HDHD5: variants seen among roughly 807,000 people sequenced by gnomAD.
The protein encoded by HDHD5 is haloacid dehalogenase like hydrolase domain containing 5, also known as haloacid dehalogenase-like hydrolase domain-containing 5.
A neutral mutation model predicts 35.5 loss-of-function variants in HDHD5; 34 were observed. The observed-to-expected ratio is 0.96, with a 90% CI of 0.73 to 1.28. HDHD5 has a LOEUF of 1.28. Ranked by LOEUF, HDHD5 falls within the 50% of genes most tolerant of loss-of-function variation. The pLI is 0.00. For missense variants in HDHD5, 589 were observed against 560.2 expected (o/e 1.05, Z -0.52); for synonymous variants, 248 against 240.6 (o/e 1.03, Z -0.29).
chr22:17,161,968 C>T (rs1186452622), upstream of HDHD5, among the ~76,000 whole-genome samples: 1 of 151,556 alleles, frequency 6.6e-6, no homozygotes, highest in Non-Finnish European at 1.5e-5. Flanking sequence ...TAATAAATAA[C>T]ATGGGACAGA....
chr22:17,156,952 C>T (rs1182982303), intron 1 of HDHD5, among the ~76,000 whole-genome samples: 1 of 151,866 alleles, frequency 6.6e-6, no homozygotes, highest in African/African-American at 2.4e-5. Context: ...GTGGCAGGCG[C>T]CTGTAATCCC....
rs752488647 is a variant in HDHD5 at position 17,138,164 on chromosome 22, C to G, written c.1129G>C (p.Val377Leu). The G allele has an allele frequency of 3.1e-6, 5 of 1,614,178 alleles. No homozygotes were observed. Among genetic ancestry groups the G allele is most frequent in the East Asian group, 2.2e-5 (1 of 44,878 alleles). ...AATGGAGGCTCCCCTCCTCCAAGGA[C>G]AGGCTCCGTGGACTGTGGGTTCCTG... ...NPRNPQSTEP[V>L]LGGGEPPFHG... The change falls in exon 8 of 8, where the codon GTC (valine) becomes CTC (leucine). Residue 377 changes from valine (V) to leucine (L), a missense_variant. Coordinates refer to ENST00000336737, the MANE Select transcript of HDHD5 (RefSeq NM_033070.3).
chr22:17,159,570 C>A (rs1440449895), upstream of HDHD5: 3 of 434,110 alleles, frequency 6.9e-6, no homozygotes, highest in Non-Finnish European at 1.4e-5. Flanking sequence ...GCGCGGCAGG[C>A]CCCAGGCCGG....
intron 3 of HDHD5, 21 bp downstream of exon 3, chr22:17,148,427 G>C (rs2061689163): frequency 1.3e-6 from 2 of 1,594,682 alleles, no homozygotes; most frequent in Non-Finnish European, 1.7e-6. Context: ...CCTTCAGCCA[G>C]AGTTAAGACC....
chr22:17,139,365 C>T (rs1158858832), intron 6 of HDHD5, among the ~76,000 whole-genome samples: 1 of 151,862 alleles, frequency 6.6e-6, no homozygotes, highest in Non-Finnish European at 1.5e-5. Context: ...CTGTCTCTAC[C>T]AAAAATGCAA....
At position 17,157,390 on chromosome 22, in the gene HDHD5, C is replaced by T. The variant is rs529811061; in HGVS notation, c.126+1736G>A. 3.7e-3 allele frequency among the ~76,000 whole-genome samples: 555 copies of T among 151,754 alleles called. 2 individuals are homozygous for T. Among genetic ancestry groups the T allele is most frequent in the Non-Finnish European group, 6.4e-3 (438 of 67,922 alleles). ...AAGGGCTTCTCCTGCCTCAGCCTCC[C>T]GAGTAGCTGGGATTACAAGTAATAG... On this transcript the variant is annotated intron_variant, in intron 1 of 7. Transcript: ENST00000336737.
chr22:17,146,371 C>T (rs1357037252), intron 3 of HDHD5, among the ~76,000 whole-genome samples: 3 of 150,994 alleles, frequency 2.0e-5, no homozygotes, highest in Non-Finnish European at 4.4e-5. Flanking sequence ...TGACGCCCTC[C>T]TGTGAGCTTA....
intron 1 of HDHD5, among the ~76,000 whole-genome samples, chr22:17,157,271 C>CTTTTTTTTTT (rs372356199): frequency 7.3e-6 from 1 of 136,696 alleles, no homozygotes; most frequent in African/African-American, 2.7e-5. Flanking sequence ...GGTTAATTTT[C>CTTTTTTTTTT]TTTTTTTTTT....
At chr22:17,151,512 T>C (rs2061724364) in intron 1 of HDHD5, among the ~76,000 whole-genome samples, 1 of 151,884 alleles carries the variant, frequency 6.6e-6, no homozygotes, top group African/African-American at 2.4e-5. Flanking sequence ...GGTGGATCAC[T>C]TGAGGTCAGG....
At position 17,138,300 on chromosome 22, in the gene HDHD5, C is replaced by A. The variant is rs770952350; in HGVS notation, c.993G>T (p.Lys331Asn). 5 of 1,614,170 alleles carry A rather than the reference C, an allele frequency of 3.1e-6. No individual in the cohort carries two copies. The highest frequency in any genetic ancestry group is 4.5e-5 in the East Asian group (2 of 44,882). ...GANLFHQYLQ[K>N]ATHDGAPELG... ...GTTCTGGCGCCCCATCATGCGTTGC[C>A]TTCTGCAGGTACTGGTGGAACAGGT... is the stretch of plus-strand genomic sequence containing the variant. Residue 331 changes from lysine to asparagine, a missense_variant, in exon 8 of 8, where the codon AAG becomes AAT. Physicochemically the swap from Lys to Asn is moderately conservative, Grantham distance 94 (BLOSUM62 0). Coordinates refer to ENST00000336737, the MANE Select transcript of HDHD5 (RefSeq NM_033070.3).
At chr22:17,154,408 G>A (rs2061761670) in intron 1 of HDHD5, among the ~76,000 whole-genome samples, 2 of 151,732 alleles carry the variant, frequency 1.3e-5, no homozygotes, top group South Asian at 4.2e-4. Context: ...GAACTCGGGA[G>A]ATGGTGTTTG....
chr22:17,139,515 A>C (rs35914026), intron 6 of HDHD5, among the ~76,000 whole-genome samples: 2 of 149,290 alleles, frequency 1.3e-5, no homozygotes, highest in Non-Finnish European at 3.0e-5. Flanking sequence ...GCAAAAGAGC[A>C]AGACTCCATC....
chr22:17,157,113 C>CACAA lies in HDHD5; in HGVS notation c.126+2012_126+2013insTTGT, dbSNP rs577153294. Among the ~76,000 whole-genome samples, 64 of 145,106 alleles carry CACAA rather than the reference C, an allele frequency of 4.4e-4. No individual in the cohort carries two copies. In the South Asian group the frequency reaches 8.1e-3, roughly 18 times the overall value. On this transcript the variant is annotated intron_variant, in intron 1 of 7. Coordinates refer to ENST00000336737, the MANE Select transcript of HDHD5 (RefSeq NM_033070.3). ...ACACACACACACACACACACACACA[C>CACAA]AAAAGAAAAAAGCTATGGAACAATG...
At chr22:17,159,440 T>A, upstream of HDHD5, 1 of 617,252 alleles carries the variant, frequency 1.6e-6, no homozygotes. Context: ...AAGGAAGAAG[T>A]GCGGGGTCCC....
rs540606030 is a variant in HDHD5 at position 17,139,535 on chromosome 22, A to C, written c.747-797T>G. Reference sequence around the variant, plus strand: ...AGAGCAAGACTCCATCTAAAAAAAAAAAACAAACAAACTGGGGACGGTATT... The same window carrying C: ...AGAGCAAGACTCCATCTAAAAAAAACAAACAAACAAACTGGGGACGGTATT... On this transcript the variant is annotated intron_variant, in intron 6 of 7. Transcript: ENST00000336737. Among the ~76,000 whole-genome samples the C allele has an allele frequency of 7.8e-4, 118 of 152,008 alleles. 1 individual carries two copies. Among genetic ancestry groups the C allele is most frequent in the East Asian group, 4.1e-3 (21 of 5,180 alleles).
chr22:17,151,003 T>C (rs5992630), intron 1 of HDHD5, among the ~76,000 whole-genome samples: 14,967 of 152,246 alleles, frequency 0.098, 1,187 homozygotes, highest in African/African-American at 0.22. Context: ...TTTTTTCCCA[T>C]ATTATGGGTA....
At chr22:17,144,311 G>A (rs1259755479) in intron 4 of HDHD5, among the ~76,000 whole-genome samples, 1 of 151,732 alleles carries the variant, frequency 6.6e-6, no homozygotes, top group African/African-American at 2.4e-5. Flanking sequence ...CTGGAGTGCA[G>A]TGATCACAGC....
In HDHD5 at chr22:17,159,196, C is replaced by A. The variant is rs2061839789; in HGVS notation, c.56G>T (p.Arg19Leu). 9 of 1,216,874 alleles carry A rather than the reference C, an allele frequency of 7.4e-6. No individual in the cohort carries two copies. Among genetic ancestry groups the A allele is most frequent in the Non-Finnish European group, 9.2e-6 (9 of 978,578 alleles). The allele number at this position is 1,216,874 out of a possible 1,614,324, so 75.4% of individuals were successfully genotyped here. ...GAGCCCCGCAGCCGCGCGCGCCGCC[C>A]GCCAGCAAAGCCCACGCGCCGCGCC... is the stretch of plus-strand genomic sequence containing the variant. ...ALGAARGLCWRAARAAAGLQG... is the reference protein window; with the variant it reads ...ALGAARGLCWLAARAAAGLQG... Residue 19 changes from arginine (R) to leucine (L), a missense_variant, in exon 1 of 8, where the codon CGG (arginine) becomes CTG (leucine). Transcript: ENST00000336737.
At chr22:17,150,504 T>C (rs1217620158) in intron 1 of HDHD5, among the ~76,000 whole-genome samples, 15 of 149,992 alleles carry the variant, frequency 1.0e-4, no homozygotes, top group Non-Finnish European at 1.8e-4. Flanking sequence ...ACTTTTTTAG[T>C]TGGTATCTCT....
Sources: gnomAD v4.1 joint callset for allele counts (sites outside exome capture counted in the v4.1 genomes callset) on GRCh38, gnomAD v4.1.1 for gene constraint, MANE v1.5 for transcripts, NCBI Gene and HGNC (gene_info 2026-07-23, HGNC 2026-07-21) for gene names.